The following PNKD variants were observed in gnomAD, a reference collection of about 807,000 sequenced individuals.
PNKD encodes probable thioesterase PNKD.
Under a neutral mutation model 45.3 loss-of-function variants are expected in PNKD, and 36 were observed. That is an observed-to-expected ratio of 0.80 (90% CI 0.61 to 1.05). The LOEUF is 1.05. PNKD is among the 50% of genes least tolerant of loss of function. The probability of loss-of-function intolerance (pLI) is 0.00; values close to 1 mark genes in which losing one functional copy is unlikely to be tolerated. For synonymous variants in PNKD, 197 were observed against 210.1 expected, an observed-to-expected ratio of 0.94 and a Z score of 0.54; for missense variants, 511 against 506.6, an observed-to-expected ratio of 1.01 and a Z score of -0.08.
rs141187799 is a variant in PNKD at position 218,291,785 on chromosome 2, GGAT to G, written c.236+20238_236+20240del. Among the ~76,000 whole-genome samples the G allele has an allele frequency of 5.1e-3, 783 of 152,264 alleles. 9 individuals carry two copies. The highest frequency in any genetic ancestry group is 0.017 in the African/African-American group (692 of 41,552). On this transcript the variant is annotated intron_variant, in intron 2 of 9. Transcript: ENST00000273077. ...CTCTAACCCAAAGAAGTCACGAGGAGGATGTTACTCCCCTGTAGTTCTGTGAAC... is the reference window on the plus strand; with the variant it reads ...CTCTAACCCAAAGAAGTCACGAGGAGGTTACTCCCCTGTAGTTCTGTGAAC...
At chr2:218,291,049 G>A (rs1331329501) in intron 2 of PNKD, among the ~76,000 whole-genome samples, 2 of 152,178 alleles carry the variant, frequency 1.3e-5, no homozygotes, top group African/African-American at 4.8e-5. Context: ...GCGGTTGGAG[G>A]TGCTCTGAGG....
chr2:218,338,495 G>A (rs1019807472), intron 2 of PNKD, among the ~76,000 whole-genome samples: 6 of 147,966 alleles, frequency 4.1e-5, no homozygotes, highest in South Asian at 2.2e-4. Flanking sequence ...GGTGGGACAC[G>A]GTGGCTCACA....
chr2:218,273,382 C>A (rs1396479603), intron 2 of PNKD, among the ~76,000 whole-genome samples: 1 of 152,070 alleles, frequency 6.6e-6, no homozygotes, highest in African/African-American at 2.4e-5. Flanking sequence ...AGTGATCCTC[C>A]TACCTCAGCC....
At chr2:218,279,462 A>G (rs1020705257) in intron 2 of PNKD, 1 of 1,023,622 alleles carries the variant, frequency 9.8e-7, no homozygotes, top group African/African-American at 1.6e-5. Context: ...CCCTAGCTGC[A>G]GCCTGGCCCA....
At chr2:218,294,234 A>C (rs528020244) in intron 2 of PNKD, among the ~76,000 whole-genome samples, 82 of 152,256 alleles carry the variant, frequency 5.4e-4, no homozygotes, top group African/African-American at 1.9e-3. Flanking sequence ...TGGCCCATGG[A>C]ATCTGTCCAG....
At chr2:218,305,911 C>A (rs1177502325) in intron 2 of PNKD, among the ~76,000 whole-genome samples, 1 of 152,218 alleles carries the variant, frequency 6.6e-6, no homozygotes, top group Non-Finnish European at 1.5e-5. Context: ...TCCTTGAGAA[C>A]TGAACTCATT....
intron 2 of PNKD, chr2:218,323,248 G>C: frequency 6.8e-7 from 1 of 1,469,082 alleles, no homozygotes. Context: ...CCGCCCGGCC[G>C]GCGCGTGCCT....
chr2:218,323,720 T>G lies in PNKD; in HGVS notation c.237-16063T>G, dbSNP rs10206448. 0.15 allele frequency among the ~76,000 whole-genome samples: 23,415 copies of G among 151,344 alleles called. 4,306 individuals are homozygous for G. Among genetic ancestry groups the G allele is most frequent in the African/African-American group, 0.45 (18,394 of 41,232 alleles). Reference sequence around the variant, plus strand: ...ACATCTGGAGCAAAGTGCCACAGAATGGGCTGGAGACCAGGAAGCTGGACA... The same window carrying G: ...ACATCTGGAGCAAAGTGCCACAGAAGGGGCTGGAGACCAGGAAGCTGGACA... On this transcript the variant is annotated intron_variant, in intron 2 of 9. Transcript: ENST00000273077.
At chr2:218,272,767 C>G in intron 2 of PNKD, 1 of 1,614,050 alleles carries the variant, frequency 6.2e-7, no homozygotes, top group Non-Finnish European at 8.5e-7. Context: ...ACCTGAGGAG[C>G]GCTGCGACCC....
At chr2:218,325,894 C>T (rs1000148135) in intron 2 of PNKD, among the ~76,000 whole-genome samples, 1 of 152,152 alleles carries the variant, frequency 6.6e-6, no homozygotes, top group Non-Finnish European at 1.5e-5. Context: ...GAAGGGTGCG[C>T]CTGGAGTCAG....
chr2:218,341,228 C>T (rs538794157), intron 5 of PNKD, among the ~76,000 whole-genome samples: 3 of 152,320 alleles, frequency 2.0e-5, no homozygotes, highest in Admixed American at 1.3e-4. Flanking sequence ...ATTTAGGTAA[C>T]AGTTGGCACA....
chr2:218,279,585 C>T (rs1221465887), intron 2 of PNKD: 12 of 516,458 alleles, frequency 2.3e-5, no homozygotes, highest in Non-Finnish European at 3.8e-5. Context: ...TCGGTGACTA[C>T]TGACTTGCCC....
At chr2:218,323,136 G>T in intron 2 of PNKD, 2 of 1,315,450 alleles carry the variant, frequency 1.5e-6, no homozygotes, top group Non-Finnish European at 1.9e-6. Flanking sequence ...CAAAGGAGAG[G>T]TCAATGGGCG....
At chr2:218,334,214 C>T (rs1168911692) in intron 2 of PNKD, among the ~76,000 whole-genome samples, 1 of 152,052 alleles carries the variant, frequency 6.6e-6, no homozygotes, top group Non-Finnish European at 1.5e-5. Flanking sequence ...TGAATACTAT[C>T]GTCTTTCATA....
intron 2 of PNKD, among the ~76,000 whole-genome samples, chr2:218,338,185 G>A (rs184229828): frequency 6.6e-6 from 1 of 152,094 alleles, no homozygotes; most frequent in East Asian, 1.9e-4. Flanking sequence ...GCTTGGCCAG[G>A]CACAGTGGCT....
At chr2:218,277,867 C>T (rs1691401899) in intron 2 of PNKD, 2 of 1,605,988 alleles carry the variant, frequency 1.2e-6, no homozygotes, top group Non-Finnish European at 1.7e-6. Flanking sequence ...AATGGGTCCC[C>T]ATCCCTTCCC....
intron 2 of PNKD, among the ~76,000 whole-genome samples, chr2:218,296,219 A>AG (rs1284239599): frequency 6.6e-6 from 1 of 152,240 alleles, no homozygotes; most frequent in Non-Finnish European, 1.5e-5. Flanking sequence ...ACTAAAAAAA[A>AG]GTACTCATTG....
intron 2 of PNKD, chr2:218,323,432 G>A (rs746122091): frequency 9.6e-6 from 15 of 1,556,598 alleles, no homozygotes; most frequent in Admixed American, 1.8e-5. Context: ...TCCGAATCGG[G>A]TTAGTGCCCG....
chr2:218,300,209 G>T (rs1039519513), intron 2 of PNKD, among the ~76,000 whole-genome samples: 23 of 152,096 alleles, frequency 1.5e-4, no homozygotes, highest in Admixed American at 9.2e-4. Context: ...CAAAAGTGAG[G>T]GTAAAAACAT....
Sources: gnomAD v4.1 joint callset for allele counts (sites outside exome capture counted in the v4.1 genomes callset) on GRCh38, gnomAD v4.1.1 for gene constraint, MANE v1.5 for transcripts, NCBI Gene and HGNC (gene_info 2026-07-23, HGNC 2026-07-21) for gene names.